TBC1D12: variants seen among roughly 807,000 people sequenced by gnomAD.
TBC1D12 encodes TBC1 domain family member 12, also known as TBC1 domain family, member 12.
TBC1D12 carries 56 observed loss-of-function variants against 86.7 expected under a neutral mutation model. The observed-to-expected ratio is 0.65, with a 90% CI of 0.52 to 0.81. The LOEUF is 0.81. TBC1D12 is among the 30% of genes least tolerant of loss of function. The pLI, the probability that TBC1D12 is intolerant of heterozygous loss-of-function variation, is 0.00. For missense variants in TBC1D12, 1,023 were observed against 1,038.8 expected (o/e 0.98, Z 0.21); for synonymous variants, 421 against 411.7 (o/e 1.02, Z -0.27).
intron 5 of TBC1D12, among the ~76,000 whole-genome samples, chr10:94,498,510 G>C (rs2134185533): frequency 6.6e-6 from 1 of 152,214 alleles, no homozygotes; most frequent in South Asian, 2.1e-4. Flanking sequence ...CTGGAGTGCA[G>C]TGGCGCGATC....
intron 3 of TBC1D12, among the ~76,000 whole-genome samples, chr10:94,491,740 T>C (rs1421574056): frequency 1.3e-5 from 2 of 152,174 alleles, no homozygotes; most frequent in African/African-American, 4.8e-5. Flanking sequence ...TTAGTAACCT[T>C]CTTGGTTGTC....
At chr10:94,431,913 A>G (rs1285050800) in intron 1 of TBC1D12, among the ~76,000 whole-genome samples, 1 of 152,146 alleles carries the variant, frequency 6.6e-6, no homozygotes, top group African/African-American at 2.4e-5. Flanking sequence ...TCCCTTCAAC[A>G]CGAACAACAT....
intron 1 of TBC1D12, among the ~76,000 whole-genome samples, chr10:94,441,320 C>G (rs928059580): frequency 3.3e-5 from 5 of 151,910 alleles, no homozygotes; most frequent in Admixed American, 6.6e-5. Context: ...TTATAAATAA[C>G]AAATTATTAC....
chr10:94,462,737 T>A (rs1316036094), intron 2 of TBC1D12, among the ~76,000 whole-genome samples: 3 of 152,214 alleles, frequency 2.0e-5, no homozygotes, highest in African/African-American at 4.8e-5. Context: ...AGGTATGTGA[T>A]AGAAATGTGG....
intron 12 of TBC1D12, among the ~76,000 whole-genome samples, chr10:94,531,789 G>GTTATTTTATT (rs1229483248): frequency 3.5e-4 from 40 of 115,324 alleles, no homozygotes; most frequent in African/African-American, 1.1e-3. Flanking sequence ...TTTATTTTAT[G>GTTATTTTATT]TTATTTTATT....
chr10:94,458,818 TC>T (rs1354761612), intron 2 of TBC1D12, among the ~76,000 whole-genome samples: 18 of 152,074 alleles, frequency 1.2e-4, no homozygotes, highest in South Asian at 8.3e-4. Flanking sequence ...GAGTTGTTCG[TC>T]CCTCCCCATG....
At chr10:94,525,456 A>G (rs544381230) in intron 11 of TBC1D12, among the ~76,000 whole-genome samples, 8 of 152,152 alleles carry the variant, frequency 5.3e-5, no homozygotes, top group African/African-American at 1.9e-4. Context: ...TACTAAAAAT[A>G]CGCCGGATGT....
intron 1 of TBC1D12, among the ~76,000 whole-genome samples, chr10:94,437,925 C>T (rs2055326111): frequency 6.7e-6 from 1 of 149,518 alleles, no homozygotes; most frequent in Non-Finnish European, 1.5e-5. Flanking sequence ...CATTTTCCCC[C>T]TTTATCCTCC....
chr10:94,410,544 G>A (rs2054915959), intron 1 of TBC1D12, among the ~76,000 whole-genome samples: 1 of 151,118 alleles, frequency 6.6e-6, no homozygotes, highest in East Asian at 1.9e-4. Context: ...CCCAGCCACA[G>A]TTTTTTTTTG....
rs529345630 is a variant in TBC1D12 at position 94,475,628 on chromosome 10, G to T, written c.1211+845G>T. Among the ~76,000 whole-genome samples the T allele has an allele frequency of 2.5e-3, 387 of 152,094 alleles. 1 individual carries two copies. The highest frequency in any genetic ancestry group is 8.8e-3 in the African/African-American group (367 of 41,494). ...TGTGTGCATTTTTAGTAGAGACAGG[G>T]TTTCGCCATGTTGGCCAGGCTGGTC... On this transcript the variant is annotated intron_variant, in intron 3 of 12. Transcript: ENST00000225235.
At chr10:94,447,503 A>T (rs2055486697) in intron 2 of TBC1D12, 3 of 531,594 alleles carry the variant, frequency 5.6e-6, no homozygotes, top group Non-Finnish European at 7.2e-6. Context: ...GTTAACAGTA[A>T]AGAAACATAA....
intron 2 of TBC1D12, among the ~76,000 whole-genome samples, chr10:94,446,514 G>A (rs999816330): frequency 2.0e-5 from 3 of 152,044 alleles, no homozygotes; most frequent in African/African-American, 7.2e-5. Flanking sequence ...TTTAAAGCAG[G>A]TCTTCAGAAA....
chr10:94,522,278 A>C (rs1173263586), intron 10 of TBC1D12, 66 bp from the exon 11 acceptor site: 1 of 1,087,034 alleles, frequency 9.2e-7, no homozygotes, highest in Non-Finnish European at 1.3e-6. Context: ...GTTAGTGTTT[A>C]AGCGTTTAAT....
At chr10:94,460,579 T>A (rs2055711663) in intron 2 of TBC1D12, among the ~76,000 whole-genome samples, 1 of 152,008 alleles carries the variant, frequency 6.6e-6, no homozygotes, top group East Asian at 1.9e-4. Context: ...AGTTTTTTTT[T>A]TTTTTAATGT....
At chr10:94,447,520 T>C in intron 2 of TBC1D12, 6 of 754,032 alleles carry the variant, frequency 8.0e-6, no homozygotes, top group Non-Finnish European at 9.7e-6. Context: ...ATAAAAAACG[T>C]TTTAGGATTA....
chr10:94,431,863 G>T (rs1367185329), intron 1 of TBC1D12, among the ~76,000 whole-genome samples: 1 of 152,110 alleles, frequency 6.6e-6, no homozygotes, highest in Admixed American at 6.6e-5. Flanking sequence ...GATGAATAAG[G>T]GGGCAGAGAG....
intron 1 of TBC1D12, among the ~76,000 whole-genome samples, chr10:94,422,300 G>A (rs2055086299): frequency 6.8e-6 from 1 of 146,608 alleles, no homozygotes; most frequent in Admixed American, 7.1e-5. Flanking sequence ...AGCAATTCTC[G>A]TGCCTCAGCC....
At chr10:94,526,766 GGATC>G (rs1842300236) in intron 11 of TBC1D12, among the ~76,000 whole-genome samples, 1 of 152,118 alleles carries the variant, frequency 6.6e-6, no homozygotes, top group Non-Finnish European at 1.5e-5. Context: ...TGTCATTGCT[GGATC>G]ATATGGTCGT....
intron 2 of TBC1D12, among the ~76,000 whole-genome samples, chr10:94,449,748 T>C (rs2055521968): frequency 6.6e-6 from 1 of 152,182 alleles, no homozygotes; most frequent in African/African-American, 2.4e-5. Flanking sequence ...TATATCAGGG[T>C]ATATATCAGG....
Sources: allele counts gnomAD v4.1 joint callset (sites outside exome capture counted in the v4.1 genomes callset), GRCh38; gene constraint gnomAD v4.1.1; transcripts MANE v1.5; gene names NCBI Gene and HGNC (gene_info 2026-07-23, HGNC 2026-07-21).